SNTA1: variants seen among roughly 807,000 people sequenced by gnomAD.
The protein encoded by SNTA1 is syntrophin alpha 1.
Under a neutral mutation model 47.1 loss-of-function variants are expected in SNTA1, and 31 were observed. The observed-to-expected ratio is 0.66, with a 90% CI of 0.49 to 0.89. The LOEUF is 0.89. SNTA1 is among the 40% of genes least tolerant of loss of function. The pLI is 0.00. For missense variants in SNTA1, 575 were observed against 693.0 expected (o/e 0.83, Z 1.91); for synonymous variants, 300 against 313.6 (o/e 0.96, Z 0.46).
In SNTA1 at chr20:33,422,491, C is replaced by G. The variant is rs527495857; in HGVS notation, c.497-4568G>C. ...AGAAACTGGGCTTGCTCTTCAAACCCAGAGTTGGCTGGGCAGTAGCTCACG... is the reference window on the plus strand; with the variant it reads ...AGAAACTGGGCTTGCTCTTCAAACCGAGAGTTGGCTGGGCAGTAGCTCACG... On this transcript the variant is annotated intron_variant, in intron 2 of 7. Coordinates refer to ENST00000217381, the MANE Select transcript of SNTA1 (RefSeq NM_003098.3). Among the ~76,000 whole-genome samples the G allele has an allele frequency of 4.6e-5, 7 of 150,934 alleles. No individual in the cohort carries two copies. In the East Asian group the frequency reaches 1.4e-3, roughly 30 times the overall value.
chr20:33,429,670 G>T (rs1990250596), intron 2 of SNTA1, among the ~76,000 whole-genome samples: 1 of 152,026 alleles, frequency 6.6e-6, no homozygotes, highest in South Asian at 2.1e-4. Flanking sequence ...GTAGAGACGA[G>T]GCCTTGCCAT....
At chr20:33,412,242 G>A (rs1254835280) in intron 5 of SNTA1, 54 bp downstream of exon 5, 2 of 1,578,552 alleles carry the variant, frequency 1.3e-6, no homozygotes, top group East Asian at 2.3e-5. Flanking sequence ...GGGCCCTGCT[G>A]GAGCATCTCC....
intron 3 of SNTA1, among the ~76,000 whole-genome samples, chr20:33,413,408 C>T (rs1422480771): frequency 6.6e-6 from 1 of 152,098 alleles, no homozygotes; most frequent in African/African-American, 2.4e-5. Flanking sequence ...GGATTACAGG[C>T]ATGAGCCACC....
In SNTA1 at chr20:33,439,033, A is replaced by G. The variant is rs1481553898; in HGVS notation, c.311-7T>C. 2.5e-6 allele frequency: 4 copies of G among 1,613,410 alleles called. No individual in the cohort carries two copies. The African/African-American group carries it at 4.0e-5, about 16-fold the overall frequency. ...ATCTTGTTCTCCCGGCCGCCTGCACAGGTACAGAAGGAGGACAAGACTTAG... is the reference window on the plus strand; with the variant it reads ...ATCTTGTTCTCCCGGCCGCCTGCACGGGTACAGAAGGAGGACAAGACTTAG... On this transcript the variant is annotated splice_region_variant and splice_polypyrimidine_tract_variant and intron_variant, in intron 1 of 7. Transcript: ENST00000217381.
At chr20:33,427,873 C>T (rs1256775387) in intron 2 of SNTA1, among the ~76,000 whole-genome samples, 2 of 151,990 alleles carry the variant, frequency 1.3e-5, no homozygotes, top group Non-Finnish European at 2.9e-5. Flanking sequence ...AGAGCAGGGG[C>T]TCAGTAAATA....
chr20:33,414,852 C>T (rs1262184411), intron 3 of SNTA1, among the ~76,000 whole-genome samples: 1 of 152,148 alleles, frequency 6.6e-6, no homozygotes, highest in Non-Finnish European at 1.5e-5. Flanking sequence ...TCTACAGCAG[C>T]CTGAATAGCT....
chr20:33,438,900 G>A lies in SNTA1; in HGVS notation c.437C>T (p.Ala146Val). ...GACCTGCACCGCCTCATCATGGGTA[G>A]CAGAGGACAAGTCTTCCCCATTCAC... ...LSVNGEDLSS[A>V]THDEAVQVLK... Residue 146 changes from alanine to valine, a missense_variant, in exon 2 of 8, where the codon GCT becomes GTT. Transcript: ENST00000217381. 1 of 1,614,116 alleles carries A rather than the reference G, an allele frequency of 6.2e-7. No individual in the cohort carries two copies. Among genetic ancestry groups the A allele is most frequent in the Non-Finnish European group, 8.5e-7 (1 of 1,179,968 alleles).
At chr20:33,415,463 T>C (rs1989852323) in intron 3 of SNTA1, among the ~76,000 whole-genome samples, 1 of 152,078 alleles carries the variant, frequency 6.6e-6, no homozygotes, top group African/African-American at 2.4e-5. Flanking sequence ...GAGATCAGCC[T>C]GGCCAATGTG....
At chr20:33,436,985 C>T (rs1205679479) in intron 2 of SNTA1, among the ~76,000 whole-genome samples, 2 of 129,110 alleles carry the variant, frequency 1.5e-5, no homozygotes, top group African/African-American at 5.9e-5. Flanking sequence ...AAAAAAAAAG[C>T]TAGGCGCAGG....
At position 33,417,702 on chromosome 20, in the gene SNTA1, C is replaced by T; in HGVS notation, c.701+17G>A. ...AGGGCATCTGTCCATCTGAGTTGCT[C>T]CCAACCCCAGCCTTACCTGGGCTCC... On this transcript the variant is annotated intron_variant, in intron 3 of 7. Coordinates refer to ENST00000217381, the MANE Select transcript of SNTA1 (RefSeq NM_003098.3). The T allele has an allele frequency of 6.2e-7, 1 of 1,606,228 alleles. No individual in the cohort carries two copies. Among genetic ancestry groups the T allele is most frequent in the Non-Finnish European group, 8.5e-7 (1 of 1,172,912 alleles).
At position 33,408,553 on chromosome 20, in the gene SNTA1, T is replaced by C. The variant is rs1989654440; in HGVS notation, c.1472A>G (p.His491Arg). The C allele has an allele frequency of 5.0e-6, 8 of 1,612,652 alleles. No homozygotes were observed. The highest frequency in any genetic ancestry group is 6.8e-6 in the Non-Finnish European group (8 of 1,179,616). The change falls in exon 8 of 8, where the codon CAC (histidine) becomes CGC (arginine). Residue 491 changes from histidine to arginine, a missense_variant. Physicochemically the swap from His to Arg is conservative, Grantham distance 29. Coordinates refer to ENST00000217381, the MANE Select transcript of SNTA1 (RefSeq NM_003098.3). Reference sequence around the variant, plus strand: ...GGTGACTTTGGCCGACAGGAAGGAGTGGATGATGAAGACTATGGTTTTGGG... The same window carrying C: ...GGTGACTTTGGCCGACAGGAAGGAGCGGATGATGAAGACTATGGTTTTGGG... ...SCPKTIVFIIHSFLSAKVTRL... is the reference protein window; with the variant it reads ...SCPKTIVFIIRSFLSAKVTRL...
chr20:33,415,072 G>C (rs291691), intron 3 of SNTA1, among the ~76,000 whole-genome samples: 94,019 of 152,014 alleles, frequency 0.62, 29,643 homozygotes, highest in Non-Finnish European at 0.69. Flanking sequence ...CAGTTATATT[G>C]AGGTTACCTA....
intron 6 of SNTA1, among the ~76,000 whole-genome samples, chr20:33,409,655 A>AG (rs578101142): frequency 9.0e-4 from 134 of 148,966 alleles, no homozygotes; most frequent in Middle Eastern, 3.4e-3. Context: ...TTTTTTTTTG[A>AG]GACAGTCTTG....
chr20:33,416,141 C>G (rs1017496598), intron 3 of SNTA1, among the ~76,000 whole-genome samples: 1 of 152,112 alleles, frequency 6.6e-6, no homozygotes, highest in Non-Finnish European at 1.5e-5. Flanking sequence ...TTTAGAGCAT[C>G]GGCAAGTGAC....
At chr20:33,427,584 C>T (rs1990198980) in intron 2 of SNTA1, among the ~76,000 whole-genome samples, 1 of 152,150 alleles carries the variant, frequency 6.6e-6, no homozygotes, top group Non-Finnish European at 1.5e-5. Context: ...TTACCACACC[C>T]TTGAGTAGTA....
At chr20:33,431,109 A>G (rs1990296843) in intron 2 of SNTA1, among the ~76,000 whole-genome samples, 1 of 151,776 alleles carries the variant, frequency 6.6e-6, no homozygotes, top group Non-Finnish European at 1.5e-5. Context: ...AATCAAAACA[A>G]TAATAGCTGG....
At position 33,408,881 on chromosome 20, in the gene SNTA1, C is replaced by T. The variant is rs780680201; in HGVS notation, c.1245G>A (p.Thr415=). The change falls in exon 7 of 8, where the codon ACG becomes ACA. Residue 415 remains threonine (T), a synonymous_variant. Transcript: ENST00000217381. ...EGVQEVSTAC[T]WNGRPCSLSV... is the part of the protein sequence containing the mutation. The stretch of plus-strand genomic sequence containing the variant: ...ACAGGCTGCAGGGACGCCCATTCCA[C>T]GTGCAGGCTGCAGGGAGGGCACATA... 10 of 1,613,962 alleles carry T rather than the reference C, an allele frequency of 6.2e-6. No homozygotes were observed. Among genetic ancestry groups the T allele is most frequent in the Admixed American group, 1.7e-5 (1 of 60,022 alleles).
chr20:33,428,725 A>C (rs1191973796), intron 2 of SNTA1, among the ~76,000 whole-genome samples: 1 of 152,046 alleles, frequency 6.6e-6, no homozygotes, highest in Non-Finnish European at 1.5e-5. Context: ...CAGGTGCACA[A>C]CACTATGCCC....
intron 1 of SNTA1, among the ~76,000 whole-genome samples, chr20:33,440,931 GTTTTACAA>G (rs1201666921): frequency 6.6e-6 from 1 of 152,198 alleles, no homozygotes; most frequent in African/African-American, 2.4e-5. Context: ...CAATCATAAT[GTTTTACAA>G]TCCAAAGTCC....
Sources: allele counts gnomAD v4.1 joint callset (sites outside exome capture counted in the v4.1 genomes callset), GRCh38; gene constraint gnomAD v4.1.1; transcripts MANE v1.5; gene names NCBI Gene and HGNC (gene_info 2026-07-23, HGNC 2026-07-21).